Variants in ARMC7 observed in about 807,000 individuals in gnomAD.
The protein encoded by ARMC7 is armadillo repeat containing 7, also known as armadillo repeat-containing protein 7.
ARMC7 carries 9 observed loss-of-function variants against 14.8 expected under a neutral mutation model. The ratio of observed to expected loss-of-function variants is 0.61; its 90% CI spans 0.37 to 1.06. ARMC7 has a LOEUF of 1.06. Ranked by LOEUF, ARMC7 falls within the 50% of genes least tolerant of loss-of-function variation. The probability of loss-of-function intolerance (pLI) is 0.01; values close to 1 mark genes in which losing one functional copy is unlikely to be tolerated. For missense variants in ARMC7, 262 were observed against 267.1 expected (o/e 0.98, Z 0.13); for synonymous variants, 125 against 123.4 (o/e 1.01, Z -0.09).
At chr17:75,117,949 C>T (rs1598166825) in intron 2 of ARMC7, among the ~76,000 whole-genome samples, 1 of 151,860 alleles carries the variant, frequency 6.6e-6, no homozygotes, top group South Asian at 2.1e-4. Context: ...GGTGAAACCC[C>T]GTCTCTACTA....
In ARMC7 at chr17:75,119,446, G is replaced by GTTTTTTTT; in HGVS notation, c.235+8846_235+8847insTTTTTTTT. On this transcript the variant is annotated intron_variant, in intron 2 of 2. Transcript: ENST00000245543. ...ACTTCTGAAAATACCCTGTGATACA[G>GTTTTTTTT]TTTTTTCTTTTTTTTTTTTTGAGAC... is the stretch of plus-strand genomic sequence containing the variant. Among the ~76,000 whole-genome samples, 2 of 120,068 alleles carry GTTTTTTTT rather than the reference G, an allele frequency of 1.7e-5. 1 individual carries two copies. 78.8% of individuals were successfully genotyped at this position (120,068 alleles called of 152,430 possible). A position where few individuals can be genotyped will look rare whatever the true frequency, so the allele number is the denominator to read the frequency against.
At chr17:75,127,216 A>C (rs537094137) in intron 2 of ARMC7, among the ~76,000 whole-genome samples, 1 of 152,172 alleles carries the variant, frequency 6.6e-6, no homozygotes, top group African/African-American at 2.4e-5. Context: ...CCATCTCAGA[A>C]AACTGACCAA....
intron 2 of ARMC7, among the ~76,000 whole-genome samples, chr17:75,120,713 C>T (rs901095002): frequency 5.3e-5 from 8 of 150,500 alleles, no homozygotes; most frequent in Non-Finnish European, 1.0e-4. Flanking sequence ...ACTCAGGAGG[C>T]TGAGGCAGGA....
intron 2 of ARMC7, among the ~76,000 whole-genome samples, chr17:75,124,199 G>T (rs772851641): frequency 6.6e-6 from 1 of 152,094 alleles, no homozygotes; most frequent in East Asian, 1.9e-4. Context: ...GGCCCTCACC[G>T]CCTTCTTCAT....
chr17:75,129,072 T>C lies in ARMC7; in HGVS notation c.*34T>C. On this transcript the variant is annotated 3_prime_UTR_variant, in exon 3 of 3. Transcript: ENST00000245543. ...GACTGCGAGACCGTGGCACCCCTAC[T>C]GCTGGAGACCACAGTCCTGATGTGG... is the stretch of plus-strand genomic sequence containing the variant. 1 of 1,567,922 alleles carries C rather than the reference T, an allele frequency of 6.4e-7. No individual in the cohort carries two copies. Among genetic ancestry groups the C allele is most frequent in the South Asian group, 1.2e-5 (1 of 86,632 alleles).
chr17:75,110,675 C>T (rs1263442211), intron 2 of ARMC7, 69 bp downstream of exon 2: 2 of 1,583,604 alleles, frequency 1.3e-6, no homozygotes, highest in African/African-American at 2.7e-5. Context: ...AGAAGTGAGT[C>T]CTTGGGGCCG....
At chr17:75,117,674 A>G (rs1442479509) in intron 2 of ARMC7, among the ~76,000 whole-genome samples, 2 of 152,214 alleles carry the variant, frequency 1.3e-5, no homozygotes, top group Non-Finnish European at 1.5e-5. Flanking sequence ...AATGTTAGCT[A>G]TAACCTGTGG....
At chr17:75,110,675 C>G in intron 2 of ARMC7, 69 bp downstream of exon 2, 1 of 1,583,726 alleles carries the variant, frequency 6.3e-7, no homozygotes, top group Non-Finnish European at 8.6e-7. Context: ...AGAAGTGAGT[C>G]CTTGGGGCCG....
At chr17:75,128,588 GCCTGGGCCCCTA>G in intron 2 of ARMC7, 77 bp from the exon 3 acceptor site, 1 of 1,515,482 alleles carries the variant, frequency 6.6e-7, no homozygotes, top group Non-Finnish European at 8.9e-7. Context: ...CTTCTCAACA[GCCTGGGCCCCTA>G]CCTGGGGCTC....
intron 2 of ARMC7, among the ~76,000 whole-genome samples, chr17:75,120,640 C>T (rs568662198): frequency 5.9e-5 from 9 of 151,900 alleles, no homozygotes; most frequent in African/African-American, 1.2e-4. Flanking sequence ...CGGTGAAACC[C>T]CATCTCTACT....
At chr17:75,128,143 C>T (rs556706145) in intron 2 of ARMC7, among the ~76,000 whole-genome samples, 2 of 152,160 alleles carry the variant, frequency 1.3e-5, no homozygotes, top group African/African-American at 4.8e-5. Context: ...GATGCAATCT[C>T]GGCTCACTGC....
chr17:75,122,097 G>A (rs1342631399), intron 2 of ARMC7, among the ~76,000 whole-genome samples: 1 of 151,982 alleles, frequency 6.6e-6, no homozygotes, highest in East Asian at 2.0e-4. Flanking sequence ...ACTTTGGGAG[G>A]GCGAGGCAGG....
intron 2 of ARMC7, among the ~76,000 whole-genome samples, chr17:75,116,038 T>C (rs942726472): frequency 2.0e-5 from 3 of 152,178 alleles, no homozygotes; most frequent in African/African-American, 7.2e-5. Flanking sequence ...ACTCATCTGC[T>C]CCAGGAATTC....
Position 75,128,775 on chromosome 17 carries a change from G to A in ARMC7, c.334G>A (p.Glu112Lys). 1.9e-6 allele frequency: 3 copies of A among 1,613,548 alleles called. No homozygotes were observed. The highest frequency in any genetic ancestry group is 1.6e-4 in the Middle Eastern group (1 of 6,062). ...CATCAACTGCCTATCCAGCCCCAAT[G>A]AGGAGACGGTGCTGTCTGCCATCAC... ...LIINCLSSPN[E>K]ETVLSAITTL... The change falls in exon 3 of 3, where the codon GAG becomes AAG. Residue 112 changes from glutamate (E) to lysine (K), a missense_variant. Transcript: ENST00000245543.
Position 75,128,844 on chromosome 17 carries a change from G to C in ARMC7, c.403G>C (p.Glu135Gln), listed in dbSNP as rs978422777. ...LSPPGRSFLP[E>Q]LTATPVVQCM... Reference sequence around the variant, plus strand: ...CCCGCCGGGCCGCAGCTTTCTCCCAGAGCTGACCGCCACGCCCGTGGTGCA... The same window carrying C: ...CCCGCCGGGCCGCAGCTTTCTCCCACAGCTGACCGCCACGCCCGTGGTGCA... The change falls in exon 3 of 3, where the codon GAG (glutamate) becomes CAG (glutamine). Residue 135 changes from glutamate to glutamine, a missense_variant. Coordinates refer to ENST00000245543, the MANE Select transcript of ARMC7 (RefSeq NM_024585.4). 6.2e-7 allele frequency: 1 copy of C among 1,613,006 alleles called. No homozygotes were observed. The highest frequency in any genetic ancestry group is 8.5e-7 in the Non-Finnish European group (1 of 1,179,990).
chr17:75,113,216 G>A (rs1222157195), intron 2 of ARMC7, among the ~76,000 whole-genome samples: 3 of 151,204 alleles, frequency 2.0e-5, no homozygotes, highest in Non-Finnish European at 2.9e-5. Flanking sequence ...TAGAGACGGG[G>A]TTTCACCGTG....
chr17:75,109,985 G>A lies in ARMC7; in HGVS notation c.-304G>A, dbSNP rs900758320. ...CGGGAGCCCGGAACCGAGCCCAGGA[G>A]CCGGGGACGGTGCGCCAGTGCCCCC... On this transcript the variant is annotated 5_prime_UTR_variant, in exon 1 of 3. Transcript: ENST00000245543. This position sits in a 1 kb window ranked among gnomAD's most constrained non-coding sequence, Gnocchi z 5.0. 5.9e-6 allele frequency: 2 copies of A among 337,408 alleles called. No homozygotes were observed. Among genetic ancestry groups the A allele is most frequent in the African/African-American group, 2.2e-5 (1 of 45,904 alleles). 20.9% of individuals were successfully genotyped at this position (337,408 alleles called of 1,614,324 possible).
Position 75,120,077 on chromosome 17 carries a change from G to A in ARMC7, c.236-8600G>A, listed in dbSNP as rs574765752. Among the ~76,000 whole-genome samples the A allele has an allele frequency of 2.0e-5, 3 of 152,146 alleles. No homozygotes were observed. The South Asian group carries it at 6.2e-4, about 32-fold the overall frequency. On this transcript the variant is annotated intron_variant, in intron 2 of 2. Coordinates refer to ENST00000245543, the MANE Select transcript of ARMC7 (RefSeq NM_024585.4). The stretch of plus-strand genomic sequence containing the variant: ...GTGCCACCATGCCCAGCTAATTTTT[G>A]TATTTTTAGTAGAGATGGAGTTTTG...
At chr17:75,119,076 T>C (rs1337811220) in intron 2 of ARMC7, among the ~76,000 whole-genome samples, 1 of 152,202 alleles carries the variant, frequency 6.6e-6, no homozygotes, top group Non-Finnish European at 1.5e-5. Context: ...AGTGCTAGGA[T>C]TACAGGCATG....
Sources: gnomAD v4.1 joint callset for allele counts (sites outside exome capture counted in the v4.1 genomes callset) on GRCh38, gnomAD v4.1.1 for gene constraint, Gnocchi (gnomAD v3.1) non-coding constraint, MANE v1.5 for transcripts, NCBI Gene and HGNC (gene_info 2026-07-23, HGNC 2026-07-21) for gene names.